The following SOX5 variants were observed in gnomAD, a reference collection of about 807,000 sequenced individuals.
The protein encoded by SOX5 is transcription factor SOX-5.
Under a neutral mutation model 92.0 loss-of-function variants are expected in SOX5, and 9 were observed. The ratio of observed to expected loss-of-function variants is 0.10; its 90% CI spans 0.06 to 0.17. SOX5 has a LOEUF of 0.17. Among genes scored for constraint, SOX5 ranks in the 10% least tolerant of loss-of-function variants. The pLI is 1.00. For synonymous variants in SOX5, 344 were observed against 336.3 expected (o/e 1.02, Z -0.25); for missense variants, 642 against 944.5 (o/e 0.68, Z 4.20).
At chr12:24,065,737 T>C (rs1001597718) in intron 4 of SOX5, among the ~76,000 whole-genome samples, 45 of 152,128 alleles carry the variant, frequency 3.0e-4, no homozygotes, top group African/African-American at 9.4e-4. Context: ...TACTTTTAGT[T>C]GCTCATTTCT....
intron 11 of SOX5, among the ~76,000 whole-genome samples, chr12:23,551,665 A>C (rs1245411624): frequency 6.6e-6 from 1 of 151,904 alleles, no homozygotes; most frequent in Non-Finnish European, 1.5e-5. Context: ...TCCTTGAAGA[A>C]AATTTTTCTA....
intron 8 of SOX5, among the ~76,000 whole-genome samples, chr12:23,637,783 CT>C (rs1173987951): frequency 5.3e-5 from 8 of 152,192 alleles, no homozygotes; most frequent in Non-Finnish European, 1.2e-4. Context: ...CTTAGGAGAA[CT>C]GGACAGTGTA....
chr12:23,538,184 A>C (rs939117436), intron 13 of SOX5, among the ~76,000 whole-genome samples: 2 of 152,170 alleles, frequency 1.3e-5, no homozygotes, highest in Non-Finnish European at 2.9e-5. Flanking sequence ...TCACTGTTGA[A>C]TAGTTCTTCC....
intron 1 of SOX5, among the ~76,000 whole-genome samples, chr12:24,382,378 C>T (rs1366335401): frequency 4.6e-5 from 7 of 151,734 alleles, no homozygotes; most frequent in East Asian, 1.9e-4. Context: ...GAAAGAGCAA[C>T]GGGCAGTATG....
intron 7 of SOX5, among the ~76,000 whole-genome samples, chr12:23,641,409 A>T (rs990553125): frequency 6.6e-6 from 1 of 152,358 alleles, no homozygotes; most frequent in African/African-American, 2.4e-5. Context: ...ACAACGAAGA[A>T]AACATTTTAT....
intron 4 of SOX5, among the ~76,000 whole-genome samples, chr12:23,985,006 T>C (rs943508603): frequency 2.0e-5 from 3 of 152,160 alleles, no homozygotes; most frequent in African/African-American, 7.2e-5. Flanking sequence ...CAGCTTAGCG[T>C]TCCAATAATG....
chr12:24,130,605 A>G (rs1449840883), intron 4 of SOX5, among the ~76,000 whole-genome samples: 1 of 152,186 alleles, frequency 6.6e-6, no homozygotes, highest in Non-Finnish European at 1.5e-5. Context: ...CCCTAGACCA[A>G]TGACTATAGA....
At position 23,803,282 on chromosome 12, in the gene SOX5, G is replaced by T. The variant is rs536359418; in HGVS notation, c.481+42701C>A. Among the ~76,000 whole-genome samples the T allele has an allele frequency of 2.6e-5, 4 of 152,182 alleles. No homozygotes were observed. The South Asian group carries it at 8.3e-4, about 32-fold the overall frequency. ...CTCAAAATCACTATATCCAAAAGAG[G>T]ACTCATTATCTGTCCCAACAAGAAA... On this transcript the variant is annotated intron_variant, in intron 3 of 14. Transcript: ENST00000451604.
At chr12:24,004,683 C>G (rs138401027) in intron 4 of SOX5, among the ~76,000 whole-genome samples, 2 of 152,204 alleles carry the variant, frequency 1.3e-5, no homozygotes, top group Admixed American at 1.3e-4. Context: ...TATGTCAAAT[C>G]ACGCAGCCAC....
chr12:23,996,648 T>A (rs979326340), intron 4 of SOX5, among the ~76,000 whole-genome samples: 5 of 152,208 alleles, frequency 3.3e-5, no homozygotes, highest in African/African-American at 1.2e-4. Context: ...GAATTACTAA[T>A]ACATATTACA....
chr12:24,294,560 T>G (rs1186946376), intron 2 of SOX5, among the ~76,000 whole-genome samples: 1 of 152,176 alleles, frequency 6.6e-6, no homozygotes, highest in Non-Finnish European at 1.5e-5. Context: ...CTTCCACACT[T>G]TCTACCTCTC....
chr12:24,139,331 C>T (rs1330175627), intron 4 of SOX5, among the ~76,000 whole-genome samples: 1 of 152,148 alleles, frequency 6.6e-6, no homozygotes, highest in Non-Finnish European at 1.5e-5. Flanking sequence ...TTCTTCTAAG[C>T]ACCAATAAAT....
At chr12:23,919,037 C>CA (rs1284229811) in intron 1 of SOX5, among the ~76,000 whole-genome samples, 1 of 151,790 alleles carries the variant, frequency 6.6e-6, no homozygotes, top group Non-Finnish European at 1.5e-5. Flanking sequence ...CAGAAAATCA[C>CA]AAAAATCCAG....
At chr12:23,992,511 C>T (rs1167838245) in intron 4 of SOX5, among the ~76,000 whole-genome samples, 1 of 152,036 alleles carries the variant, frequency 6.6e-6, no homozygotes, top group Non-Finnish European at 1.5e-5. Context: ...ATAATGATCA[C>T]CAGATGTTTA....
intron 9 of SOX5, among the ~76,000 whole-genome samples, chr12:23,585,141 C>T (rs141591957): frequency 6.6e-6 from 1 of 152,252 alleles, no homozygotes; most frequent in African/African-American, 2.4e-5. Flanking sequence ...ACATACACAT[C>T]GAGCAAATGT....
At chr12:23,537,866 C>A (rs986788637) in intron 13 of SOX5, among the ~76,000 whole-genome samples, 1 of 151,622 alleles carries the variant, frequency 6.6e-6, no homozygotes, top group South Asian at 2.1e-4. Context: ...TTCTCAAAGG[C>A]GGTGTGTCCG....
intron 4 of SOX5, among the ~76,000 whole-genome samples, chr12:24,002,767 T>C (rs939947818): frequency 2.0e-5 from 3 of 152,130 alleles, no homozygotes; most frequent in Non-Finnish European, 4.4e-5. Context: ...ACAGTACCAG[T>C]TCTTCATAAA....
At chr12:23,561,600 G>C (rs1477738101) in intron 11 of SOX5, among the ~76,000 whole-genome samples, 11 of 152,104 alleles carry the variant, frequency 7.2e-5, no homozygotes, top group Non-Finnish European at 1.5e-4. Flanking sequence ...CTGCTTAGGG[G>C]CCTAGGAGCT....
chr12:23,657,678 C>T (rs1298649095), intron 7 of SOX5, among the ~76,000 whole-genome samples: 2 of 152,024 alleles, frequency 1.3e-5, no homozygotes, highest in Non-Finnish European at 2.9e-5. Context: ...CCATTCTTGC[C>T]GTGGCAACAA....
Sources: gnomAD v4.1 joint callset for allele counts (sites outside exome capture counted in the v4.1 genomes callset) on GRCh38, gnomAD v4.1.1 for gene constraint, MANE v1.5 for transcripts, NCBI Gene and HGNC (gene_info 2026-07-23, HGNC 2026-07-21) for gene names.